ENOX1: variants seen among roughly 807,000 people sequenced by gnomAD.
The protein encoded by ENOX1 is candidate growth-related and time keeping constitutive hydroquinone (NADH) oxidase.
Under a neutral mutation model 82.5 loss-of-function variants are expected in ENOX1, and 42 were observed. That is an observed-to-expected ratio of 0.51 (90% CI 0.40 to 0.66). ENOX1 has a LOEUF of 0.66. Among genes scored for constraint, ENOX1 ranks in the 30% least tolerant of loss-of-function variants. The pLI, the probability that ENOX1 is intolerant of heterozygous loss-of-function variation, is 0.00. For synonymous variants in ENOX1, 271 were observed against 282.2 expected (o/e 0.96, Z 0.40); for missense variants, 608 against 811.6 (o/e 0.75, Z 3.05).
chr13:43,759,373 C>T (rs992535388), intron 1 of ENOX1, among the ~76,000 whole-genome samples: 1 of 152,180 alleles, frequency 6.6e-6, no homozygotes, highest in Non-Finnish European at 1.5e-5. Context: ...TCTGGGATTA[C>T]AGATGTGAGC....
chr13:43,426,404 G>A (rs925078291), intron 3 of ENOX1, among the ~76,000 whole-genome samples: 1 of 152,122 alleles, frequency 6.6e-6, no homozygotes, highest in African/African-American at 2.4e-5. Flanking sequence ...CTATTGCTAC[G>A]ATGGTTTACT....
intron 1 of ENOX1, among the ~76,000 whole-genome samples, chr13:43,747,123 C>T (rs1594668027): frequency 6.6e-6 from 1 of 152,150 alleles, no homozygotes; most frequent in South Asian, 2.1e-4. Flanking sequence ...CATTTACAGT[C>T]ACATCACAAC....
At chr13:43,452,445 A>C (rs2057017970) in intron 3 of ENOX1, among the ~76,000 whole-genome samples, 1 of 152,238 alleles carries the variant, frequency 6.6e-6, no homozygotes, top group African/African-American at 2.4e-5. Context: ...TGCAAAGAAC[A>C]TGAACTCATC....
intron 3 of ENOX1, among the ~76,000 whole-genome samples, chr13:43,453,433 G>A (rs1175160344): frequency 6.6e-6 from 1 of 152,196 alleles, no homozygotes; most frequent in Non-Finnish European, 1.5e-5. Flanking sequence ...TATTTTTGCA[G>A]ATAGAGATGT....
At chr13:43,387,091 T>G (rs892011579) in intron 5 of ENOX1, among the ~76,000 whole-genome samples, 1 of 152,314 alleles carries the variant, frequency 6.6e-6, no homozygotes, top group African/African-American at 2.4e-5. Flanking sequence ...CCAGGCATTG[T>G]TTTAGGAACT....
chr13:43,561,330 T>C (rs1205968453), intron 2 of ENOX1, among the ~76,000 whole-genome samples: 6 of 152,244 alleles, frequency 3.9e-5, no homozygotes, highest in South Asian at 2.1e-4. Context: ...AGGCAGAGTA[T>C]ACCCCGGAGC....
rs566869810 is a variant in ENOX1, at chr13:43,390,743, C to T, written c.208+21173G>A. ...TTTCCCCCTTAAGTTGCCTCACAAT[C>T]TATCTGCCTGACTTCTAGACAAATA... On this transcript the variant is annotated intron_variant, in intron 5 of 16. Transcript: ENST00000690772. Among the ~76,000 whole-genome samples, 59 of 152,300 alleles carry T rather than the reference C, an allele frequency of 3.9e-4. 1 individual carries two copies. The highest frequency in any genetic ancestry group is 1.3e-3 in the African/African-American group (56 of 41,564).
At chr13:43,407,972 G>A (rs1020235620) in intron 5 of ENOX1, among the ~76,000 whole-genome samples, 5 of 152,204 alleles carry the variant, frequency 3.3e-5, no homozygotes, top group Non-Finnish European at 5.9e-5. Context: ...CAGGACTTTG[G>A]AGTATGGGAT....
chr13:43,538,763 CT>C (rs1227590871), intron 2 of ENOX1, among the ~76,000 whole-genome samples: 2 of 152,042 alleles, frequency 1.3e-5, no homozygotes, highest in Non-Finnish European at 1.5e-5. Context: ...TTAGTCTCTT[CT>C]TTTTCCTTGT....
chr13:43,762,182 T>A (rs529472410), intron 1 of ENOX1, among the ~76,000 whole-genome samples: 3 of 152,332 alleles, frequency 2.0e-5, no homozygotes, highest in South Asian at 2.1e-4. Context: ...TAAACTTCAT[T>A]ACCCAGGTCG....
At chr13:43,277,383 C>T (rs939231986) in intron 12 of ENOX1, among the ~76,000 whole-genome samples, 2 of 152,174 alleles carry the variant, frequency 1.3e-5, no homozygotes, top group Non-Finnish European at 2.9e-5. Flanking sequence ...ACCGCACAGC[C>T]GAGGTGCAGG....
At chr13:43,453,197 T>A (rs1422443179) in intron 3 of ENOX1, among the ~76,000 whole-genome samples, 2 of 152,184 alleles carry the variant, frequency 1.3e-5, no homozygotes, top group African/African-American at 4.8e-5. Flanking sequence ...GTTGGAGACC[T>A]AACTGACATC....
Position 43,224,048 on chromosome 13 carries a change from T to C in ENOX1, c.1800+5A>G. ...ACGAAAGTTCACTCGAGCAAAATAA[T>C]TTACCTTGGAGTCCAGCTGCTGCAT... On this transcript the variant is annotated splice_donor_5th_base_variant and intron_variant, in intron 16 of 16. Transcript: ENST00000690772. The C allele has an allele frequency of 1.9e-6, 3 of 1,612,218 alleles. No individual in the cohort carries two copies. The highest frequency in any genetic ancestry group is 1.1e-5 in the South Asian group (1 of 90,944).
chr13:43,701,373 T>C, intron 1 of ENOX1, among the ~76,000 whole-genome samples: 1 of 152,152 alleles, frequency 6.6e-6, no homozygotes, highest in East Asian at 1.9e-4. Context: ...TGACCACAGG[T>C]ACAAAGCTGG....
At chr13:43,707,731 CAA>C (rs1379285097) in intron 1 of ENOX1, among the ~76,000 whole-genome samples, 52 of 49,220 alleles carry the variant, frequency 1.1e-3, no homozygotes, top group Non-Finnish European at 1.7e-3. Context: ...GACTCTGTCT[CAA>C]AAAAAAAAAA....
At chr13:43,235,024 T>A (rs2042462682) in intron 15 of ENOX1, among the ~76,000 whole-genome samples, 1 of 152,224 alleles carries the variant, frequency 6.6e-6, no homozygotes, top group African/African-American at 2.4e-5. Flanking sequence ...TGCAGATCAT[T>A]AATTGCTTTG....
At chr13:43,240,871 G>C (rs142845436) in intron 14 of ENOX1, among the ~76,000 whole-genome samples, 1 of 152,320 alleles carries the variant, frequency 6.6e-6, no homozygotes, top group East Asian at 1.9e-4. Context: ...GTGGGACAAA[G>C]AGCAGGCTTG....
At position 43,665,544 on chromosome 13, in the gene ENOX1, A is replaced by C. The variant is rs547159792; in HGVS notation, c.-219+1935T>G. Among the ~76,000 whole-genome samples the C allele has an allele frequency of 1.2e-4, 19 of 152,300 alleles. No homozygotes were observed. The South Asian group carries it at 3.9e-3, about 32-fold the overall frequency. On this transcript the variant is annotated intron_variant, in intron 2 of 16. Coordinates refer to ENST00000690772, the MANE Select transcript of ENOX1 (RefSeq NM_001347969.2). ...TAAGTGCAAAGAGATGCAGCTGGAA[A>C]GAAAGAATAGCCTGGCTAAGTATGA...
chr13:43,265,053 T>C (rs1250164168), intron 14 of ENOX1, among the ~76,000 whole-genome samples: 1 of 152,220 alleles, frequency 6.6e-6, no homozygotes, highest in African/African-American at 2.4e-5. Flanking sequence ...TTAATGAATA[T>C]ACATGCAATG....
Sources: gnomAD v4.1 joint callset for allele counts (sites outside exome capture counted in the v4.1 genomes callset) on GRCh38, gnomAD v4.1.1 for gene constraint, MANE v1.5 for transcripts, NCBI Gene and HGNC (gene_info 2026-07-23, HGNC 2026-07-21) for gene names.